The following TNPO1 variants were observed in gnomAD, a reference collection of about 807,000 sequenced individuals.
The protein encoded by TNPO1 is transportin-1.
In TNPO1, 8 loss-of-function variants were observed where a neutral mutation model predicts 119.5. The observed-to-expected ratio is 0.07, with a 90% CI of 0.04 to 0.12. The LOEUF is 0.12. Ranked by LOEUF, TNPO1 falls within the 10% of genes least tolerant of loss-of-function variation. The probability of loss-of-function intolerance (pLI) is 1.00; values close to 1 mark genes in which losing one functional copy is unlikely to be tolerated. For missense variants in TNPO1, 576 were observed against 1,089.8 expected (o/e 0.53, Z 6.64); for synonymous variants, 362 against 363.0 (o/e 1.00, Z 0.03).
Position 72,861,834 on chromosome 5 carries a change from A to C in TNPO1, c.382A>C (p.Lys128Gln), listed in dbSNP as rs761220626. 5 of 1,613,898 alleles carry C rather than the reference A, an allele frequency of 3.1e-6. No homozygotes were observed. In the East Asian group the frequency reaches 1.1e-4, roughly 36 times the overall value. ...TATTTTGATCACAACTATAGCCTCC[A>C]AGGGAGAATTGCAGAATTGGCCTGA... is the stretch of plus-strand genomic sequence containing the variant. ...VGILITTIASKGELQNWPDLL... is the reference protein window; with the variant it reads ...VGILITTIASQGELQNWPDLL... Residue 128 changes from lysine to glutamine, a missense_variant, in exon 5 of 25, where the codon AAG becomes CAG. This residue lies in a region of TNPO1 where 310 missense variants were observed against 583.0 expected (regional missense o/e 0.53). Coordinates refer to ENST00000337273, the MANE Select transcript of TNPO1 (RefSeq NM_002270.4).
chr5:72,861,777 G>T, intron 4 of TNPO1, 31 bp from the exon 5 acceptor site: 1 of 1,491,010 alleles, frequency 6.7e-7, no homozygotes, highest in Non-Finnish European at 9.4e-7. Context: ...AATGCTGTTG[G>T]ATTTCCTAAA....
intron 1 of TNPO1, among the ~76,000 whole-genome samples, chr5:72,836,259 A>G (rs1352190542): frequency 1.3e-5 from 2 of 152,198 alleles, no homozygotes; most frequent in African/African-American, 4.8e-5. Flanking sequence ...CCACCCTGTG[A>G]TGGTGCTCTG....
intron 4 of TNPO1, 54 bp from the exon 5 acceptor site, chr5:72,861,754 C>A: frequency 8.0e-7 from 1 of 1,255,682 alleles, no homozygotes; most frequent in Non-Finnish European, 1.2e-6. Flanking sequence ...GCTCACATGG[C>A]AATGCCTGAC....
chr5:72,889,897 C>G lies in TNPO1; in HGVS notation c.1641C>G (p.Leu547=), dbSNP rs773650614. 6.2e-7 allele frequency: 1 copy of G among 1,613,646 alleles called. No individual in the cohort carries two copies. ...GTAAATACCAGCATAAGAACCTGCT[C>G]ATTCTTTACGATGCCATAGGAACAT... The part of the protein sequence containing the change: ...AFSKYQHKNL[L]ILYDAIGTLA... Residue 547 remains leucine (L), a synonymous_variant, in exon 14 of 25, where the codon CTC becomes CTG. Coordinates refer to ENST00000337273, the MANE Select transcript of TNPO1 (RefSeq NM_002270.4).
rs1750538839 is a variant in TNPO1 at position 72,911,138 on chromosome 5, A to G, written c.*2465A>G. On this transcript the variant is annotated 3_prime_UTR_variant, in exon 25 of 25. Transcript: ENST00000337273. ...CTGGAATAGAGAGTATTTTAAATTG[A>G]AATGACCAAATTCGATTTAAAACAA... 1 of 152,096 alleles carries G rather than the reference A, an allele frequency of 6.6e-6. No homozygotes were observed. Among genetic ancestry groups the G allele is most frequent in the Non-Finnish European group, 1.5e-5 (1 of 67,958 alleles). 9.4% of individuals were successfully genotyped at this position (152,096 alleles called of 1,614,324 possible). A position where few individuals can be genotyped will look rare whatever the true frequency, so the allele number is the denominator to read the frequency against.
intron 4 of TNPO1, among the ~76,000 whole-genome samples, chr5:72,860,118 T>C (rs991276488): frequency 6.6e-6 from 1 of 152,214 alleles, no homozygotes; most frequent in African/African-American, 2.4e-5. Context: ...TAGATTCTTT[T>C]TTAGTTCTTT....
intron 2 of TNPO1, among the ~76,000 whole-genome samples, chr5:72,849,320 G>C (rs558047962): frequency 6.6e-6 from 1 of 152,270 alleles, no homozygotes; most frequent in East Asian, 1.9e-4. Flanking sequence ...TGCTCAAATG[G>C]AGAGCTCTTA....
chr5:72,849,858 G>T (rs1745415677), intron 2 of TNPO1, among the ~76,000 whole-genome samples: 1 of 152,194 alleles, frequency 6.6e-6, no homozygotes, highest in Non-Finnish European at 1.5e-5. Context: ...GGTATTATAT[G>T]ATACAGTTAC....
intron 11 of TNPO1, among the ~76,000 whole-genome samples, chr5:72,885,526 C>G (rs1223615393): frequency 1.3e-5 from 2 of 152,232 alleles, no homozygotes; most frequent in African/African-American, 4.8e-5. Flanking sequence ...AGCCAGTTTT[C>G]TAAAAGTGAA....
chr5:72,885,391 T>C (rs983450110), intron 11 of TNPO1, among the ~76,000 whole-genome samples: 4 of 152,180 alleles, frequency 2.6e-5, no homozygotes, highest in Non-Finnish European at 5.9e-5. Flanking sequence ...CACAGAAAAC[T>C]CTACAAAATA....
chr5:72,825,435 CCCAGCA>C (rs1296767119), intron 1 of TNPO1, among the ~76,000 whole-genome samples: 2 of 152,262 alleles, frequency 1.3e-5, no homozygotes, highest in South Asian at 2.1e-4. Context: ...TGTCCGTAAT[CCCAGCA>C]CTTTGGGAGG....
rs1411668669 is a variant in TNPO1, at chr5:72,893,379, A to G, written c.1899A>G (p.Leu633=). ...LVQKTLAQAM[L]NNAQPDQYEA... ...AAAAACATTGTGTCTAATTTCAGCT[A>G]AACAATGCTCAACCAGATCAATATG... Residue 633 remains leucine (L), a splice_region_variant and synonymous_variant, in exon 17 of 25, where the codon CTA becomes CTG. Transcript: ENST00000337273. 6.2e-7 allele frequency: 1 copy of G among 1,611,810 alleles called. No individual in the cohort carries two copies. The highest frequency in any genetic ancestry group is 8.5e-7 in the Non-Finnish European group (1 of 1,179,484).
chr5:72,849,151 A>G (rs1333756950), intron 2 of TNPO1, among the ~76,000 whole-genome samples: 2 of 151,958 alleles, frequency 1.3e-5, no homozygotes, highest in East Asian at 1.9e-4. Flanking sequence ...CCCAAGTGAG[A>G]TTTTCTTTTT....
chr5:72,862,013 C>G (rs1310446040), intron 5 of TNPO1, 99 bp downstream of exon 5: 1 of 767,596 alleles, frequency 1.3e-6, no homozygotes, highest in African/African-American at 1.8e-5. Context: ...CTGAAACATA[C>G]AGCTTCTCAA....
At chr5:72,906,296 T>C (rs1750159107) in intron 24 of TNPO1, among the ~76,000 whole-genome samples, 1 of 122,872 alleles carries the variant, frequency 8.1e-6, no homozygotes, top group African/African-American at 3.2e-5. Context: ...TTTTTTTTTT[T>C]TTTTTTTTTT....
chr5:72,896,196 C>T (rs1335260106), intron 18 of TNPO1, among the ~76,000 whole-genome samples: 3 of 151,962 alleles, frequency 2.0e-5, no homozygotes, highest in Non-Finnish European at 4.4e-5. Flanking sequence ...TTTCCTGTTC[C>T]ACATTATTTG....
At chr5:72,862,948 A>G (rs1384835258) in intron 5 of TNPO1, among the ~76,000 whole-genome samples, 4 of 149,896 alleles carry the variant, frequency 2.7e-5, no homozygotes, top group African/African-American at 9.9e-5. Context: ...GCGCCGGACC[A>G]TTGTCTTCGT....
At position 72,883,741 on chromosome 5, in the gene TNPO1, T is replaced by A. The variant is rs115822055; in HGVS notation, c.1150+509T>A. Among the ~76,000 whole-genome samples the A allele has an allele frequency of 4.5e-3, 681 of 152,124 alleles. 3 individuals are homozygous for A. The highest frequency in any genetic ancestry group is 0.016 in the African/African-American group (649 of 41,470). On this transcript the variant is annotated intron_variant, in intron 11 of 24. Coordinates refer to ENST00000337273, the MANE Select transcript of TNPO1 (RefSeq NM_002270.4). Reference sequence around the variant, plus strand: ...TTGTGTGTAGACTTTTTTTGTTTGTTTGTTTGTTTTTTTGTTTTGAGGCAG... The same window carrying A: ...TTGTGTGTAGACTTTTTTTGTTTGTATGTTTGTTTTTTTGTTTTGAGGCAG...
chr5:72,850,520 C>T (rs1186917997), intron 2 of TNPO1, among the ~76,000 whole-genome samples: 1 of 152,106 alleles, frequency 6.6e-6, no homozygotes, highest in Non-Finnish European at 1.5e-5. Flanking sequence ...TTTAATCTTT[C>T]TGTGTAGTAA....
Sources: gnomAD v4.1 joint callset for allele counts (sites outside exome capture counted in the v4.1 genomes callset) on GRCh38, gnomAD v4.1.1 for gene constraint, gnomAD v4.1.1 regional missense constraint, MANE v1.5 for transcripts, NCBI Gene and HGNC (gene_info 2026-07-23, HGNC 2026-07-21) for gene names.